The following MTUS1 variants were observed in gnomAD, a reference collection of about 807,000 sequenced individuals.
MTUS1 encodes the protein microtubule-associated tumor suppressor 1.
A neutral mutation model predicts 120.8 loss-of-function variants in MTUS1; 109 were observed. The ratio of observed to expected loss-of-function variants is 0.90; its 90% CI spans 0.77 to 1.06. MTUS1 has a LOEUF of 1.06. Among genes scored for constraint, MTUS1 ranks in the 50% least tolerant of loss-of-function variants. The probability of loss-of-function intolerance (pLI) is 0.00; values close to 1 mark genes in which losing one functional copy is unlikely to be tolerated. For missense variants in MTUS1, 2,210 were observed against 1,486.3 expected (o/e 1.49, Z -8.01); for synonymous variants, 737 against 550.5 (o/e 1.34, Z -4.74).
At chr8:17,724,449 G>A (rs1270797679) in intron 3 of MTUS1, among the ~76,000 whole-genome samples, 1 of 151,940 alleles carries the variant, frequency 6.6e-6, no homozygotes. Context: ...TTTGAAAAAT[G>A]CCTAATGTTC....
chr8:17,761,551 G>C (rs1586235562), intron 1 of MTUS1, among the ~76,000 whole-genome samples: 1 of 152,248 alleles, frequency 6.6e-6, no homozygotes, highest in African/African-American at 2.4e-5. Context: ...ACTCAATAGA[G>C]GCTTATATAA....
At chr8:17,741,597 T>A (rs1206159722) in intron 3 of MTUS1, among the ~76,000 whole-genome samples, 1 of 152,244 alleles carries the variant, frequency 6.6e-6, no homozygotes, top group East Asian at 1.9e-4. Flanking sequence ...AGACACATTA[T>A]GCAACACAGA....
At chr8:17,718,226 G>A (rs896589000) in intron 4 of MTUS1, among the ~76,000 whole-genome samples, 4 of 152,220 alleles carry the variant, frequency 2.6e-5, no homozygotes, top group Non-Finnish European at 5.9e-5. Context: ...TCCTAACATG[G>A]CAACTGACTG....
chr8:17,723,799 T>C lies in MTUS1; in HGVS notation c.2322A>G (p.Ser774=). 6.2e-7 allele frequency: 1 copy of C among 1,605,096 alleles called. No individual in the cohort carries two copies. The highest frequency in any genetic ancestry group is 1.1e-5 in the South Asian group (1 of 90,402). ...KPTSLKTAQS[S]WVNLPRPLPK... ...GAAGTGGTCTAGGCAAATTCACCCA[T>C]GACGACTGTGCAGTTTTCAAGGATG... Residue 774 remains serine, a synonymous_variant, in exon 4 of 15, where the codon TCA becomes TCG. Coordinates refer to ENST00000693296, the MANE Select transcript of MTUS1 (RefSeq NM_001363059.2).
intron 1 of MTUS1, among the ~76,000 whole-genome samples, chr8:17,768,591 C>T (rs1348350092): frequency 6.6e-6 from 1 of 152,048 alleles, no homozygotes; most frequent in African/African-American, 2.4e-5. Flanking sequence ...CCCTACCCAC[C>T]CTCAAAGCCA....
chr8:17,715,524 C>T (rs1376108586), intron 5 of MTUS1, among the ~76,000 whole-genome samples: 2 of 152,126 alleles, frequency 1.3e-5, no homozygotes, highest in Admixed American at 1.3e-4. Flanking sequence ...TGAAGTTTTG[C>T]TGTTTCTACC....
At chr8:17,685,125 G>T (rs115781671) in intron 6 of MTUS1, among the ~76,000 whole-genome samples, 1 of 152,064 alleles carries the variant, frequency 6.6e-6, no homozygotes. Flanking sequence ...TTCACTGTTA[G>T]GAGTACTATA....
intron 3 of MTUS1, among the ~76,000 whole-genome samples, chr8:17,732,242 C>T (rs576573745): frequency 1.3e-5 from 2 of 152,306 alleles, no homozygotes; most frequent in East Asian, 3.9e-4. Flanking sequence ...GAACAGCCTG[C>T]CTCTAGCCCT....
At chr8:17,740,355 T>C (rs372899228) in intron 3 of MTUS1, among the ~76,000 whole-genome samples, 18 of 152,382 alleles carry the variant, frequency 1.2e-4, no homozygotes, top group Non-Finnish European at 1.5e-5. Flanking sequence ...AAAGGATTTA[T>C]TGAAAACGCC....
At chr8:17,769,384 G>A (rs2049835842) in intron 1 of MTUS1, among the ~76,000 whole-genome samples, 1 of 134,708 alleles carries the variant, frequency 7.4e-6, no homozygotes, top group African/African-American at 2.8e-5. Flanking sequence ...GTCTCGCTCT[G>A]TCGCCCAGGC....
At chr8:17,756,487 C>A (rs143217312) in intron 1 of MTUS1, among the ~76,000 whole-genome samples, 5 of 151,970 alleles carry the variant, frequency 3.3e-5, no homozygotes, top group Non-Finnish European at 5.9e-5. Context: ...CAAGAACTCA[C>A]GTTTCTCCTT....
At chr8:17,763,951 G>A (rs572064265) in intron 1 of MTUS1, among the ~76,000 whole-genome samples, 4 of 152,226 alleles carry the variant, frequency 2.6e-5, no homozygotes, top group Admixed American at 1.3e-4. Flanking sequence ...TAAAGATGAC[G>A]GAACCACAAG....
At position 17,644,644 on chromosome 8, in the gene MTUS1, C is replaced by G. The variant is rs1048973553; in HGVS notation, c.*1282G>C. 1 of 152,204 alleles carries G rather than the reference C, an allele frequency of 6.6e-6. No individual in the cohort carries two copies. Among genetic ancestry groups the G allele is most frequent in the East Asian group, 1.9e-4 (1 of 5,194 alleles). 9.4% of individuals were successfully genotyped at this position (152,204 alleles called of 1,614,324 possible). Reference sequence around the variant, plus strand: ...CCTTAAAGGGTAACTGAAAAATGAGCGCTATCCTCCCAGACTGTTTTCTTC... The same window carrying G: ...CCTTAAAGGGTAACTGAAAAATGAGGGCTATCCTCCCAGACTGTTTTCTTC... On this transcript the variant is annotated 3_prime_UTR_variant, in exon 15 of 15. Coordinates refer to ENST00000693296, the MANE Select transcript of MTUS1 (RefSeq NM_001363059.2).
At chr8:17,794,986 A>C (rs967118239) in intron 1 of MTUS1, among the ~76,000 whole-genome samples, 1 of 152,254 alleles carries the variant, frequency 6.6e-6, no homozygotes, top group African/African-American at 2.4e-5. Context: ...ATAAACATTA[A>C]GGAAAATAAA....
intron 12 of MTUS1, among the ~76,000 whole-genome samples, chr8:17,651,084 A>T (rs1806883128): frequency 6.6e-6 from 1 of 152,166 alleles, no homozygotes; most frequent in Non-Finnish European, 1.5e-5. Context: ...AGGAAAGATC[A>T]GGAAAGCTTC....
chr8:17,723,656 T>C lies in MTUS1; in HGVS notation c.2449+16A>G. ...TGTTTCCACAACCCCCGAAGTGTGA[T>C]ATAAAGTCGACTTACAATTGTTGCT... On this transcript the variant is annotated intron_variant, in intron 4 of 14. Coordinates refer to ENST00000693296, the MANE Select transcript of MTUS1 (RefSeq NM_001363059.2). 1.2e-6 allele frequency: 2 copies of C among 1,603,450 alleles called. 1 individual carries two copies. The highest frequency in any genetic ancestry group is 1.7e-6 in the Non-Finnish European group (2 of 1,170,842).
Position 17,715,813 on chromosome 8 carries a change from A to C in MTUS1, c.2538T>G (p.Pro846=), listed in dbSNP as rs776177410. ...NGSSGSFYLK[P]LVSRAHVHLM... ...AGTGAACATGAGCCCTGGATACCAA[A>C]GGCTTCAAATAAAAGGATCCTGAGG... Residue 846 remains proline (P), a synonymous_variant, in exon 5 of 15, where the codon CCT becomes CCG. Coordinates refer to ENST00000693296, the MANE Select transcript of MTUS1 (RefSeq NM_001363059.2). The C allele has an allele frequency of 6.2e-7, 1 of 1,614,050 alleles. No individual in the cohort carries two copies. The highest frequency in any genetic ancestry group is 8.5e-7 in the Non-Finnish European group (1 of 1,179,966).
chr8:17,651,989 T>C (rs906353618), intron 12 of MTUS1, among the ~76,000 whole-genome samples: 4 of 152,208 alleles, frequency 2.6e-5, no homozygotes, highest in Admixed American at 2.0e-4. Flanking sequence ...CATCTAATGT[T>C]ATCAAATAGC....
At chr8:17,663,046 G>A (rs1810108967) in intron 8 of MTUS1, among the ~76,000 whole-genome samples, 1 of 152,016 alleles carries the variant, frequency 6.6e-6, no homozygotes, top group South Asian at 2.1e-4. Flanking sequence ...TTTAAATCAT[G>A]GATATCTCAG....
Sources: allele counts gnomAD v4.1 joint callset (sites outside exome capture counted in the v4.1 genomes callset), GRCh38; gene constraint gnomAD v4.1.1; transcripts MANE v1.5; gene names NCBI Gene and HGNC (gene_info 2026-07-23, HGNC 2026-07-21).